The following RIN2 variants were observed in gnomAD, a reference collection of about 807,000 sequenced individuals.
RIN2 encodes the protein Ras and Rab interactor 2, also known as RAB5 interacting protein 2.
Under a neutral mutation model 78.0 loss-of-function variants are expected in RIN2, and 36 were observed. That is an observed-to-expected ratio of 0.46 (90% CI 0.35 to 0.61). The LOEUF (loss-of-function observed/expected upper bound fraction) is 0.61. Among genes scored for constraint, RIN2 ranks in the 20% least tolerant of loss-of-function variants. RIN2 has a pLI of 0.00. For synonymous variants in RIN2, 466 were observed against 466.8 expected (o/e 1.00, Z 0.02); for missense variants, 1,087 against 1,159.7 (o/e 0.94, Z 0.91).
intron 2 of RIN2, among the ~76,000 whole-genome samples, chr20:19,802,505 T>C (rs1310169323): frequency 1.3e-5 from 2 of 150,438 alleles, no homozygotes; most frequent in Non-Finnish European, 3.0e-5. Flanking sequence ...CTAGAGTTCC[T>C]GGGGCTTGGC....
chr20:19,973,401 A>G (rs909289688), intron 8 of RIN2, among the ~76,000 whole-genome samples: 1 of 152,004 alleles, frequency 6.6e-6, no homozygotes, highest in African/African-American at 2.4e-5. Flanking sequence ...GAGAGCCAGG[A>G]CTCCCAAAGG....
intron 3 of RIN2, among the ~76,000 whole-genome samples, chr20:19,906,728 A>T (rs183749508): frequency 1.4e-4 from 22 of 152,268 alleles, no homozygotes; most frequent in Non-Finnish European, 2.8e-4. Context: ...TTTTTGTTTA[A>T]GTCTCCTGAC....
chr20:19,819,490 C>A (rs1345577556), intron 2 of RIN2, among the ~76,000 whole-genome samples: 1 of 152,208 alleles, frequency 6.6e-6, no homozygotes, highest in Non-Finnish European at 1.5e-5. Flanking sequence ...AGGGGACTTT[C>A]CCTTTTATTG....
chr20:19,762,857 G>A (rs965497181), intron 1 of RIN2, among the ~76,000 whole-genome samples: 6 of 151,952 alleles, frequency 3.9e-5, no homozygotes, highest in African/African-American at 7.2e-5. Flanking sequence ...TCCACCTCCC[G>A]GAGTCAAGCG....
intron 2 of RIN2, among the ~76,000 whole-genome samples, chr20:19,841,785 G>C (rs2036584770): frequency 6.6e-6 from 1 of 152,232 alleles, no homozygotes; most frequent in Admixed American, 6.5e-5. Context: ...GGAAGCTGCA[G>C]AAGAAAAGTT....
intron 2 of RIN2, among the ~76,000 whole-genome samples, chr20:19,825,416 G>A (rs904436301): frequency 5.9e-5 from 9 of 152,268 alleles, no homozygotes; most frequent in Non-Finnish European, 1.0e-4. Flanking sequence ...CCAGGCAGAT[G>A]GAGCCTCGCT....
At chr20:19,904,240 A>ATATATATATATATATATATATAAAAT (rs1333414799) in intron 3 of RIN2, among the ~76,000 whole-genome samples, 1 of 91,694 alleles carries the variant, frequency 1.1e-5, no homozygotes, top group African/African-American at 2.7e-5. Flanking sequence ...TCAAAAAAAA[A>ATATATATATATATATATATATAAAAT]ATATATATAT....
intron 3 of RIN2, among the ~76,000 whole-genome samples, chr20:19,914,274 T>C (rs1374918025): frequency 6.6e-6 from 1 of 152,218 alleles, no homozygotes; most frequent in African/African-American, 2.4e-5. Context: ...TAATATCTTA[T>C]GCTTCTTTTG....
chr20:19,937,383 C>CTGCAGGAAAT (rs1402459850), intron 4 of RIN2, among the ~76,000 whole-genome samples: 1 of 152,198 alleles, frequency 6.6e-6, no homozygotes, highest in African/African-American at 2.4e-5. Context: ...CGTCTGACGG[C>CTGCAGGAAAT]TGCAGGAAAT....
chr20:19,882,924 G>A (rs536462385), intron 2 of RIN2, among the ~76,000 whole-genome samples: 4 of 152,232 alleles, frequency 2.6e-5, no homozygotes, highest in Admixed American at 2.0e-4. Context: ...CATAACATAC[G>A]GGTTAATTGG....
chr20:19,961,719 G>C (rs2041755569), intron 6 of RIN2, among the ~76,000 whole-genome samples: 2 of 152,130 alleles, frequency 1.3e-5, no homozygotes, highest in Admixed American at 1.3e-4. Context: ...AGTTAGGGGA[G>C]GGTAAAACCT....
intron 3 of RIN2, among the ~76,000 whole-genome samples, chr20:19,893,776 A>G (rs559041439): frequency 6.6e-6 from 1 of 152,300 alleles, no homozygotes; most frequent in South Asian, 2.1e-4. Context: ...CCTGCTCCAC[A>G]AAACATATGG....
At chr20:19,819,827 C>T (rs1391447238) in intron 2 of RIN2, among the ~76,000 whole-genome samples, 1 of 152,196 alleles carries the variant, frequency 6.6e-6, no homozygotes, top group Non-Finnish European at 1.5e-5. Flanking sequence ...AGCCACCACA[C>T]CCAGCTGAAA....
intron 1 of RIN2, among the ~76,000 whole-genome samples, chr20:19,790,647 T>C (rs1179900094): frequency 6.6e-6 from 1 of 152,190 alleles, no homozygotes; most frequent in African/African-American, 2.4e-5. Flanking sequence ...TTAATAAAAA[T>C]AGAATAATCA....
rs200145574 is a variant in RIN2, at chr20:19,964,673, T to TA, written c.464-270dup. On this transcript the variant is annotated intron_variant, in intron 6 of 12. Coordinates refer to ENST00000255006, the MANE Select transcript of RIN2 (RefSeq NM_018993.4). ...TCCCCTGCCCTTTGTGTTCTGAAGTTAAAAAAAAAGACAGTTGTGCAACTC... is the reference window on the plus strand; with the variant it reads ...TCCCCTGCCCTTTGTGTTCTGAAGTTAAAAAAAAAAGACAGTTGTGCAACTC... 8.3e-3 allele frequency among the ~76,000 whole-genome samples: 1,258 copies of TA among 151,054 alleles called. 16 individuals are homozygous for TA. Among genetic ancestry groups the TA allele is most frequent in the African/African-American group, 0.028 (1,169 of 41,164 alleles).
At chr20:19,868,644 A>T (rs913167882) in intron 2 of RIN2, among the ~76,000 whole-genome samples, 1 of 152,166 alleles carries the variant, frequency 6.6e-6, no homozygotes, top group Admixed American at 6.5e-5. Flanking sequence ...TATGTGAGAT[A>T]AACAGACAGC....
At chr20:19,875,008 G>T (rs948726133) in intron 2 of RIN2, among the ~76,000 whole-genome samples, 1 of 150,836 alleles carries the variant, frequency 6.6e-6, no homozygotes, top group Admixed American at 6.6e-5. Flanking sequence ...TTACAGGTGG[G>T]TGCCACCATA....
At chr20:19,910,061 A>G (rs2039394691) in intron 3 of RIN2, among the ~76,000 whole-genome samples, 2 of 152,264 alleles carry the variant, frequency 1.3e-5, no homozygotes, top group Non-Finnish European at 2.9e-5. Flanking sequence ...CCCAACAGGA[A>G]GAATGTGCAA....
At chr20:19,913,394 T>C (rs988873183) in intron 3 of RIN2, among the ~76,000 whole-genome samples, 1 of 152,234 alleles carries the variant, frequency 6.6e-6, no homozygotes, top group Non-Finnish European at 1.5e-5. Context: ...GCCATCTTCC[T>C]GCCTTGACTT....
Sources: gnomAD v4.1 joint callset for allele counts (sites outside exome capture counted in the v4.1 genomes callset) on GRCh38, gnomAD v4.1.1 for gene constraint, MANE v1.5 for transcripts, NCBI Gene and HGNC (gene_info 2026-07-23, HGNC 2026-07-21) for gene names.